The following CFHR2 variants were observed in gnomAD, a reference collection of about 807,000 sequenced individuals.
CFHR2 encodes the protein complement factor H-related protein 2.
A neutral mutation model predicts 21.7 loss-of-function variants in CFHR2; 22 were observed. The ratio of observed to expected loss-of-function variants is 1.01; its 90% confidence interval spans 0.72 to 1.45. CFHR2 has a LOEUF of 1.45. Ranked by LOEUF, CFHR2 falls within the 40% of genes most tolerant of loss-of-function variation. CFHR2 has a pLI of 0.00. For synonymous variants in CFHR2, 98 were observed against 97.4 expected, an observed-to-expected ratio of 1.01 and a Z score of -0.04; for missense variants, 294 against 293.3, an observed-to-expected ratio of 1.00 and a Z score of -0.02.
intron 3 of CFHR2, among the ~76,000 whole-genome samples, chr1:196,954,150 T>A (rs1373473600): frequency 6.6e-6 from 1 of 152,250 alleles, no homozygotes; most frequent in Non-Finnish European, 1.5e-5. Flanking sequence ...AATAATTTGC[T>A]TTATAATTTC....
At chr1:196,945,777 A>AGTGTGT (rs201838824) in intron 1 of CFHR2, among the ~76,000 whole-genome samples, 14,304 of 142,770 alleles carry the variant, frequency 0.1, 744 homozygotes, top group Middle Eastern at 0.17. Flanking sequence ...ACTGTGAGTG[A>AGTGTGT]GTGTGTGTGT....
chr1:196,954,586 C>T lies in CFHR2; in HGVS notation c.431-3305C>T, dbSNP rs528238512. On this transcript the variant is annotated intron_variant, in intron 3 of 4. Coordinates refer to ENST00000367415, the MANE Select transcript of CFHR2 (RefSeq NM_005666.4). ...TGCCCTAGCAGAGGTTCTCCATGAA[C>T]CTGCAGACTCCACCCCTGCAGACTT... Among the ~76,000 whole-genome samples the T allele has an allele frequency of 1.7e-3, 260 of 152,300 alleles. 1 individual carries two copies. The highest frequency in any genetic ancestry group is 5.9e-3 in the African/African-American group (245 of 41,574).
rs1269949595 is a variant in CFHR2, at chr1:196,949,614, CAGA to C, written c.224_226del (p.Glu75del). 4 of 1,613,942 alleles carry C rather than the reference CAGA, an allele frequency of 2.5e-6. No homozygotes were observed. Among genetic ancestry groups the C allele is most frequent in the Admixed American group, 1.7e-5 (1 of 59,970 alleles). ...TCCTTTTGGACTCGCATAACGTGCG[CAGA>C]AGAAGGATGGTCACCAACACCAAAG... On this transcript the variant is annotated inframe_deletion, in exon 2 of 5. Coordinates refer to ENST00000367415, the MANE Select transcript of CFHR2 (RefSeq NM_005666.4).
intron 1 of CFHR2, among the ~76,000 whole-genome samples, chr1:196,948,257 C>A (rs2125004826): frequency 6.6e-6 from 1 of 151,760 alleles, no homozygotes; most frequent in East Asian, 1.9e-4. Context: ...TATATCCTCC[C>A]AAACAATTTA....
At chr1:196,950,822 C>G (rs747340859) in intron 2 of CFHR2, 30 bp from the exon 3 acceptor site, 1 of 1,610,534 alleles carries the variant, frequency 6.2e-7, no homozygotes, top group Admixed American at 1.7e-5. Flanking sequence ...CTACTTCCAT[C>G]TTGTCTATTA....
intron 4 of CFHR2, 71 bp downstream of exon 4, chr1:196,958,144 A>G (rs191016119): frequency 4.1e-6 from 6 of 1,466,936 alleles, no homozygotes; most frequent in Admixed American, 3.4e-5. Context: ...ACTGTTTGTA[A>G]TAGAATTTTC....
At chr1:196,957,284 C>T (rs369415511) in intron 3 of CFHR2, among the ~76,000 whole-genome samples, 9 of 151,782 alleles carry the variant, frequency 5.9e-5, no homozygotes, top group Admixed American at 5.3e-4. Flanking sequence ...TTCCTTGAGT[C>T]CTGAAGTCTC....
rs145405649 is a variant in CFHR2 at position 196,950,923 on chromosome 1, A to G, written c.325A>G (p.Thr109Ala). The change falls in exon 3 of 5, where the codon ACT (threonine) becomes GCT (alanine). Residue 109 changes from threonine (T) to alanine (A), a missense_variant. Thr to Ala is a moderately conservative substitution (Grantham distance 58, BLOSUM62 0). Coordinates refer to ENST00000367415, the MANE Select transcript of CFHR2 (RefSeq NM_005666.4). ...SSGQTHLEGDTVQIICNTGYR... is the reference protein window; with the variant it reads ...SSGQTHLEGDAVQIICNTGYR... ...AGGACAAACACATCTGGAAGGTGAT[A>G]CTGTACAAATTATTTGCAACACAGG... is the stretch of plus-strand genomic sequence containing the variant. The G allele has an allele frequency of 6.9e-3, 11,063 of 1,614,062 alleles. 48 individuals are homozygous for G. The highest frequency in any genetic ancestry group is 7.9e-3 in the Non-Finnish European group (9,313 of 1,179,982).
Position 196,945,272 on chromosome 1 carries a change from T to A in CFHR2, c.58+1334T>A, listed in dbSNP as rs1445793099. Among the ~76,000 whole-genome samples, 6 of 149,302 alleles carry A rather than the reference T, an allele frequency of 4.0e-5. No homozygotes were observed. In the East Asian group the frequency reaches 1.2e-3, roughly 29 times the overall value. On this transcript the variant is annotated intron_variant, in intron 1 of 4. Coordinates refer to ENST00000367415, the MANE Select transcript of CFHR2 (RefSeq NM_005666.4). The stretch of plus-strand genomic sequence containing the variant: ...GTATTTGATTTTTCTTAAGTCTGTG[T>A]TTATGGTATTTATTAAGTGGCTTAT...
At position 196,949,640 on chromosome 1, in the gene CFHR2, A is replaced by C. The variant is rs1295054308; in HGVS notation, c.244A>C (p.Lys82Gln). 6 of 1,613,728 alleles carry C rather than the reference A, an allele frequency of 3.7e-6. No homozygotes were observed. In the South Asian group the frequency reaches 6.6e-5, roughly 18 times the overall value. Residue 82 changes from lysine (K) to glutamine (Q), a missense_variant, in exon 2 of 5, where the codon AAG becomes CAG. Transcript: ENST00000367415. The part of the protein sequence containing the change: ...CAEEGWSPTP[K>Q]CLRLCFFPFV... ...AGAAGAAGGATGGTCACCAACACCA[A>C]AGTGTCTCAGTGAGTAAATGCCCTG... is the stretch of plus-strand genomic sequence containing the variant.
Position 196,958,794 on chromosome 1 carries a change from C to T in CFHR2, c.614-87C>T, listed in dbSNP as rs530505627. 3.1e-4 allele frequency: 248 copies of T among 789,480 alleles called. 3 individuals carry two copies. The South Asian group carries it at 3.9e-3, about 12-fold the overall frequency. 48.9% of individuals were successfully genotyped at this position (789,480 alleles called of 1,614,324 possible). The stretch of plus-strand genomic sequence containing the variant: ...GGATTTTGAGAAGTAATTCCTCAAC[C>T]ATCATATAACATTCTACTTGAAAAC... On this transcript the variant is annotated intron_variant, in intron 4 of 4. Transcript: ENST00000367415.
intron 1 of CFHR2, 37 bp from the exon 2 acceptor site, chr1:196,949,418 T>C (rs537318346): frequency 5.8e-6 from 9 of 1,557,422 alleles, no homozygotes; most frequent in African/African-American, 2.7e-5. Context: ...TTATGTAGCT[T>C]ATTATGTAAT....
chr1:196,950,247 T>C (rs544341726), intron 2 of CFHR2, among the ~76,000 whole-genome samples: 1 of 152,240 alleles, frequency 6.6e-6, no homozygotes, highest in Non-Finnish European at 1.5e-5. Context: ...AATAGATATA[T>C]GTAGATGTTC....
chr1:196,953,393 G>C (rs887278599), intron 3 of CFHR2, among the ~76,000 whole-genome samples: 1 of 151,888 alleles, frequency 6.6e-6, no homozygotes, highest in Non-Finnish European at 1.5e-5. Flanking sequence ...AGCAATTCTT[G>C]TGCCTCAGCC....
At chr1:196,950,149 G>A (rs1191607090) in intron 2 of CFHR2, among the ~76,000 whole-genome samples, 1 of 152,098 alleles carries the variant, frequency 6.6e-6, no homozygotes, top group Non-Finnish European at 1.5e-5. Flanking sequence ...TATTAAAAGA[G>A]AAAACAACTG....
chr1:196,959,110 A>C lies in CFHR2; in HGVS notation c.*30A>C. 7.1e-7 allele frequency: 1 copy of C among 1,418,204 alleles called. No homozygotes were observed. The highest frequency in any genetic ancestry group is 1.2e-5 in the South Asian group (1 of 80,134). The allele number at this position is 1,418,204 out of a possible 1,614,324, so 87.9% of individuals were successfully genotyped here. A position where few individuals can be genotyped will look rare whatever the true frequency, so the allele number is the denominator to read the frequency against. On this transcript the variant is annotated 3_prime_UTR_variant, in exon 5 of 5. Transcript: ENST00000367415. ...AATGGCATTACTATTAGTAAAATGC[A>C]CACCTTTTTCTGAATTTACTATTAT... is the stretch of plus-strand genomic sequence containing the variant.
At chr1:196,947,966 T>G (rs1659574823) in intron 1 of CFHR2, among the ~76,000 whole-genome samples, 1 of 152,152 alleles carries the variant, frequency 6.6e-6, no homozygotes, top group Non-Finnish European at 1.5e-5. Flanking sequence ...TGTGAAAAAC[T>G]TGTTAATAAA....
At chr1:196,958,422 G>C (rs1399000108) in intron 4 of CFHR2, among the ~76,000 whole-genome samples, 2 of 151,846 alleles carry the variant, frequency 1.3e-5, no homozygotes, top group Non-Finnish European at 2.9e-5. Context: ...GTGTGAGAGA[G>C]AGAGAGAGAG....
rs1409589252 is a variant in CFHR2, at chr1:196,959,111, C to T, written c.*31C>T. On this transcript the variant is annotated 3_prime_UTR_variant, in exon 5 of 5. Coordinates refer to ENST00000367415, the MANE Select transcript of CFHR2 (RefSeq NM_005666.4). ...ATGGCATTACTATTAGTAAAATGCA[C>T]ACCTTTTTCTGAATTTACTATTATA... is the stretch of plus-strand genomic sequence containing the variant. 1 of 1,393,668 alleles carries T rather than the reference C, an allele frequency of 7.2e-7. No individual in the cohort carries two copies. Among genetic ancestry groups the T allele is most frequent in the East Asian group, 2.3e-5 (1 of 43,162 alleles). 86.3% of individuals were successfully genotyped at this position (1,393,668 alleles called of 1,614,324 possible).
Sources: allele counts gnomAD v4.1 joint callset (sites outside exome capture counted in the v4.1 genomes callset), GRCh38; gene constraint gnomAD v4.1.1; transcripts MANE v1.5; gene names NCBI Gene and HGNC (gene_info 2026-07-23, HGNC 2026-07-21).